The following BTBD9 variants were observed in gnomAD, a reference collection of about 807,000 sequenced individuals.
BTBD9 encodes the protein BTB domain containing 9, also known as BTB/POZ domain-containing protein 9.
BTBD9 carries 49 observed loss-of-function variants against 64.3 expected under a neutral mutation model. The ratio of observed to expected loss-of-function variants is 0.76; its 90% CI spans 0.61 to 0.97. The LOEUF is 0.97. BTBD9 is among the 50% of genes least tolerant of loss of function. The pLI is 0.00. For synonymous variants in BTBD9, 260 were observed against 274.7 expected (o/e 0.95, Z 0.53); for missense variants, 598 against 762.1 (o/e 0.78, Z 2.53).
At chr6:38,342,041 A>G (rs1453864976) in intron 7 of BTBD9, among the ~76,000 whole-genome samples, 1 of 152,222 alleles carries the variant, frequency 6.6e-6, no homozygotes, top group Non-Finnish European at 1.5e-5. Context: ...AATCTCATAT[A>G]GTGGGTGTGC....
rs953532490 is a variant in BTBD9, at chr6:38,173,194, C to T, written c.*1791G>A. The T allele has an allele frequency of 4.6e-5, 7 of 152,318 alleles. No homozygotes were observed. Among genetic ancestry groups the T allele is most frequent in the Non-Finnish European group, 7.3e-5 (5 of 68,092 alleles). 9.4% of individuals were successfully genotyped at this position (152,318 alleles called of 1,614,324 possible). A position where few individuals can be genotyped will look rare whatever the true frequency, so the allele number is the denominator to read the frequency against. ...GGAGCTCTCTGGCTAATTGGCAACC[C>T]GGGGCTGGGGGCTGACAGAGTCAGC... On this transcript the variant is annotated 3_prime_UTR_variant, in exon 11 of 11. Coordinates refer to ENST00000481247, the MANE Select transcript of BTBD9 (RefSeq NM_001099272.2).
rs186801307 is a variant in BTBD9, at chr6:38,174,140, G to A, written c.*845C>T. On this transcript the variant is annotated 3_prime_UTR_variant, in exon 11 of 11. Transcript: ENST00000481247. Reference sequence around the variant, plus strand: ...GTATATGTTTATCTACATGGACTTCGGAACAGTGAATTAGCAGCGGGCATA... The same window carrying A: ...GTATATGTTTATCTACATGGACTTCAGAACAGTGAATTAGCAGCGGGCATA... 3 of 152,208 alleles carry A rather than the reference G, an allele frequency of 2.0e-5. No homozygotes were observed. Among genetic ancestry groups the A allele is most frequent in the African/African-American group, 4.8e-5 (2 of 41,434 alleles). The allele number at this position is 152,208 out of a possible 1,614,324, so 9.4% of individuals were successfully genotyped here. A position where few individuals can be genotyped will look rare whatever the true frequency, so the allele number is the denominator to read the frequency against.
intron 7 of BTBD9, among the ~76,000 whole-genome samples, chr6:38,318,418 G>A (rs1218950112): frequency 2.0e-5 from 3 of 152,154 alleles, no homozygotes; most frequent in Non-Finnish European, 4.4e-5. Flanking sequence ...GGTTTTCCAG[G>A]AATTCTAAGG....
intron 6 of BTBD9, among the ~76,000 whole-genome samples, chr6:38,537,654 C>G (rs75863547): frequency 0.015 from 2,234 of 152,292 alleles, 52 homozygotes; most frequent in African/African-American, 0.051. Flanking sequence ...GAATTTTATG[C>G]TATGTACAAA....
intron 6 of BTBD9, among the ~76,000 whole-genome samples, chr6:38,418,005 A>G (rs561590598): frequency 2.0e-5 from 3 of 152,284 alleles, no homozygotes; most frequent in South Asian, 4.2e-4. Context: ...CTACCATGGG[A>G]AAGAAAGCAG....
intron 9 of BTBD9, among the ~76,000 whole-genome samples, chr6:38,246,671 G>A (rs1178102739): frequency 6.6e-6 from 1 of 150,620 alleles, no homozygotes; most frequent in East Asian, 1.9e-4. Context: ...TAGAAAAACG[G>A]AATTAAGTAT....
chr6:38,320,930 C>T (rs1582224928), intron 7 of BTBD9, among the ~76,000 whole-genome samples: 1 of 152,190 alleles, frequency 6.6e-6, no homozygotes, highest in Non-Finnish European at 1.5e-5. Context: ...ACTATTAGCA[C>T]CTGCTAGTGT....
intron 6 of BTBD9, among the ~76,000 whole-genome samples, chr6:38,507,748 C>T (rs1772596195): frequency 6.6e-6 from 1 of 151,938 alleles, no homozygotes; most frequent in African/African-American, 2.4e-5. Flanking sequence ...CATCCTAGAC[C>T]TTCTCTCTAT....
chr6:38,498,361 T>A (rs1203333334), intron 6 of BTBD9, among the ~76,000 whole-genome samples: 1 of 150,170 alleles, frequency 6.7e-6, no homozygotes, highest in Non-Finnish European at 1.5e-5. Flanking sequence ...CAGACTGTAC[T>A]AAACAGTTCT....
chr6:38,356,283 T>C (rs1764725100), intron 6 of BTBD9, among the ~76,000 whole-genome samples: 1 of 152,202 alleles, frequency 6.6e-6, no homozygotes, highest in South Asian at 2.1e-4. Flanking sequence ...TTTCTTGAAT[T>C]ACTGTTATTA....
intron 6 of BTBD9, among the ~76,000 whole-genome samples, chr6:38,493,777 G>A (rs997218015): frequency 1.3e-5 from 2 of 152,206 alleles, no homozygotes; most frequent in African/African-American, 4.8e-5. Context: ...GTCTGGGCCA[G>A]AGGAAAACTC....
At chr6:38,530,935 GAAAC>G (rs1408210834) in intron 6 of BTBD9, among the ~76,000 whole-genome samples, 1 of 151,942 alleles carries the variant, frequency 6.6e-6, no homozygotes, top group Non-Finnish European at 1.5e-5. Context: ...ACAATCAAAG[GAAAC>G]AAACAAGAAA....
At chr6:38,292,118 C>T (rs1761987128) in intron 7 of BTBD9, among the ~76,000 whole-genome samples, 4 of 152,122 alleles carry the variant, frequency 2.6e-5, no homozygotes, top group Admixed American at 2.0e-4. Flanking sequence ...GTTGCCACCA[C>T]ACCTGGCTAA....
At chr6:38,518,472 T>A (rs1049415460) in intron 6 of BTBD9, among the ~76,000 whole-genome samples, 1 of 152,226 alleles carries the variant, frequency 6.6e-6, no homozygotes, top group Non-Finnish European at 1.5e-5. Context: ...TCTTAGCTCT[T>A]TCGAGCAATA....
Position 38,588,099 on chromosome 6 carries a change from C to A in BTBD9, c.814+4477G>T. 8.2e-6 allele frequency: 6 copies of A among 734,640 alleles called. 1 individual carries two copies. Among genetic ancestry groups the A allele is most frequent in the South Asian group, 7.5e-5 (5 of 66,428 alleles). 45.5% of individuals were successfully genotyped at this position (734,640 alleles called of 1,614,324 possible). A position where few individuals can be genotyped will look rare whatever the true frequency, so the allele number is the denominator to read the frequency against. ...TACCAGCAACAGGCTAGCTATGGTG[C>A]ACCGTGTCTGCGGGCTCTACCTCAG... is the stretch of plus-strand genomic sequence containing the variant. On this transcript the variant is annotated intron_variant, in intron 4 of 10. Transcript: ENST00000481247.
intron 6 of BTBD9, among the ~76,000 whole-genome samples, chr6:38,364,988 T>A (rs575218743): frequency 6.6e-6 from 1 of 152,264 alleles, no homozygotes; most frequent in South Asian, 2.1e-4. Flanking sequence ...TCCAAAGTGC[T>A]TGGGGGAGAC....
At chr6:38,431,466 T>C (rs757765356) in intron 6 of BTBD9, among the ~76,000 whole-genome samples, 10 of 152,176 alleles carry the variant, frequency 6.6e-5, no homozygotes, top group Non-Finnish European at 1.5e-4. Flanking sequence ...TTGTTCAATA[T>C]TCCACAAGTA....
intron 6 of BTBD9, among the ~76,000 whole-genome samples, chr6:38,347,403 C>T (rs1448510129): frequency 1.3e-5 from 2 of 152,164 alleles, no homozygotes; most frequent in Non-Finnish European, 2.9e-5. Flanking sequence ...ACCATTATAT[C>T]TCACACCTTT....
chr6:38,265,125 G>T (rs894593742), intron 8 of BTBD9, among the ~76,000 whole-genome samples: 1 of 151,922 alleles, frequency 6.6e-6, no homozygotes, highest in Non-Finnish European at 1.5e-5. Flanking sequence ...CTTGCAGGTA[G>T]CCAGAGAAAA....
Sources: gnomAD v4.1 joint callset for allele counts (sites outside exome capture counted in the v4.1 genomes callset) on GRCh38, gnomAD v4.1.1 for gene constraint, MANE v1.5 for transcripts, NCBI Gene and HGNC (gene_info 2026-07-23, HGNC 2026-07-21) for gene names.